The following PUDP variants were observed in gnomAD, a reference collection of about 807,000 sequenced individuals.
PUDP encodes pseudouridine-5'-phosphatase.
A neutral mutation model predicts 9.4 loss-of-function variants in PUDP; 8 were observed. The observed-to-expected ratio is 0.85, with a 90% CI of 0.50 to 1.53. The LOEUF is 1.53. PUDP is among the 40% of genes most tolerant of loss of function. The pLI, the probability that PUDP is intolerant of heterozygous loss-of-function variation, is 0.00. For synonymous variants in PUDP, 99 were observed against 80.7 expected, an observed-to-expected ratio of 1.23 and a Z score of -1.22; for missense variants, 188 against 189.7, an observed-to-expected ratio of 0.99 and a Z score of 0.05.
At chrX:7,099,193 A>T (rs934584616) in intron 2 of PUDP, among the ~76,000 whole-genome samples, 3 of 112,975 alleles carry the variant, frequency 2.7e-5, no homozygotes, top group Non-Finnish European at 5.6e-5. Context: ...GTAGAATTTC[A>T]TCTGTCCCAA....
At chrX:6,758,182 C>T (rs898676841) in intron 3 of PUDP, among the ~76,000 whole-genome samples, 3 of 112,119 alleles carry the variant, frequency 2.7e-5, no homozygotes, top group African/African-American at 9.7e-5. Context: ...TAAAAGTAGG[C>T]TGGGTGCAGT....
chrX:6,952,279 AT>A (rs757011497), intron 3 of PUDP, among the ~76,000 whole-genome samples: 1 of 112,123 alleles, frequency 8.9e-6, no homozygotes, highest in South Asian at 3.7e-4. Context: ...CTATTTTGAA[AT>A]AATTTTAAAT....
At chrX:6,907,019 C>G (rs1025059976) in intron 3 of PUDP, among the ~76,000 whole-genome samples, 1 of 110,940 alleles carries the variant, frequency 9.0e-6, no homozygotes, top group African/African-American at 3.3e-5. Flanking sequence ...GTTTACTGGT[C>G]TCTACTTGAT....
chrX:7,082,571 A>G (rs1392984504), intron 2 of PUDP, among the ~76,000 whole-genome samples: 1 of 112,276 alleles, frequency 8.9e-6, no homozygotes, highest in Non-Finnish European at 1.9e-5. Flanking sequence ...TCAGTCTAGA[A>G]GAGCTCTATG....
At chrX:6,798,947 A>C (rs1925886560) in intron 3 of PUDP, among the ~76,000 whole-genome samples, 1 of 111,410 alleles carries the variant, frequency 9.0e-6, no homozygotes, top group Non-Finnish European at 1.9e-5. Flanking sequence ...CACCATGACC[A>C]GCTAATATTT....
chrX:6,861,921 G>A (rs979121712), intron 3 of PUDP, among the ~76,000 whole-genome samples: 3 of 111,232 alleles, frequency 2.7e-5, no homozygotes, highest in Non-Finnish European at 3.8e-5. Flanking sequence ...CCCACGTGCC[G>A]CTGAGTAAGT....
intron 3 of PUDP, among the ~76,000 whole-genome samples, chrX:6,776,508 G>A (rs1164889827): frequency 2.7e-5 from 3 of 111,240 alleles, no homozygotes; most frequent in Non-Finnish European, 5.6e-5. Context: ...TCCGGCCTGG[G>A]TGACAGAGCA....
chrX:7,141,272 G>A (rs1200412841), intron 1 of PUDP, among the ~76,000 whole-genome samples: 2 of 112,736 alleles, frequency 1.8e-5, no homozygotes, highest in Non-Finnish European at 3.7e-5. Context: ...TGAATGCAAA[G>A]GAAAAGTTCT....
chrX:7,076,135 C>CA (rs1465850631), intron 3 of PUDP, among the ~76,000 whole-genome samples: 2 of 111,468 alleles, frequency 1.8e-5, no homozygotes, highest in African/African-American at 6.5e-5. Context: ...GGGCAAAAAA[C>CA]AAAACAAAAC....
chrX:6,818,811 A>C (rs774034186), intron 3 of PUDP, among the ~76,000 whole-genome samples: 10 of 112,397 alleles, frequency 8.9e-5, no homozygotes, highest in Non-Finnish European at 7.5e-5. Flanking sequence ...GGATTTATAC[A>C]GATTTGAGTA....
At chrX:6,788,028 G>T (rs1925675569) in intron 3 of PUDP, among the ~76,000 whole-genome samples, 2 of 111,546 alleles carry the variant, frequency 1.8e-5, no homozygotes, top group Admixed American at 1.9e-4. Context: ...AAAGTGTCGG[G>T]GGGAGAAGAC....
intron 3 of PUDP, among the ~76,000 whole-genome samples, chrX:6,748,240 T>A (rs958146729): frequency 3.6e-5 from 4 of 112,058 alleles, no homozygotes; most frequent in African/African-American, 1.3e-4. Context: ...TTTTTAGTTG[T>A]CTCTGAAATA....
Position 7,061,564 on chromosome X carries a change from C to T in PUDP, c.511-11092G>A, listed in dbSNP as rs141545202. ...AAGATTTCAGAGAAAAACACTTTCA[C>T]TACAGAGAAGAATCCCCCCACCCCC... On this transcript the variant is annotated intron_variant, in intron 3 of 3. Coordinates refer to ENST00000381077, the MANE Select transcript of PUDP (RefSeq NM_012080.5). Among the ~76,000 whole-genome samples, 33 of 110,941 alleles carry T rather than the reference C, an allele frequency of 3.0e-4. No individual in the cohort carries two copies. The East Asian group carries it at 4.6e-3, about 15-fold the overall frequency.
chrX:6,714,469 G>C (rs1262833686), intron 1 of PUDP, among the ~76,000 whole-genome samples: 2 of 111,755 alleles, frequency 1.8e-5, no homozygotes, highest in Non-Finnish European at 3.8e-5. Context: ...TGCATAGATA[G>C]ATCAGTCTAT....
chrX:7,015,190 A>G (rs112229555), intron 1 of PUDP, among the ~76,000 whole-genome samples: 10 of 112,222 alleles, frequency 8.9e-5, no homozygotes, highest in African/African-American at 3.2e-4. Context: ...TTAAATATTT[A>G]TTTGATCACA....
chrX:6,853,269 C>T (rs1457523928), intron 3 of PUDP, among the ~76,000 whole-genome samples: 1 of 111,052 alleles, frequency 9.0e-6, no homozygotes, highest in African/African-American at 3.3e-5. Context: ...TAACTGCCTG[C>T]CTGCCTGATG....
At chrX:7,145,557 A>T (rs1408612271) in intron 1 of PUDP, among the ~76,000 whole-genome samples, 2 of 109,268 alleles carry the variant, frequency 1.8e-5, no homozygotes, top group Non-Finnish European at 3.8e-5. Context: ...CTAAATCATA[A>T]CTGACTCTTA....
intron 3 of PUDP, among the ~76,000 whole-genome samples, chrX:6,968,451 G>C (rs1928819942): frequency 1.8e-5 from 2 of 111,053 alleles, no homozygotes; most frequent in Admixed American, 9.6e-5. Flanking sequence ...TCTGGGGCAG[G>C]GGGGTGTGAG....
At chrX:6,793,142 G>A (rs960483242) in intron 3 of PUDP, among the ~76,000 whole-genome samples, 7 of 112,720 alleles carry the variant, frequency 6.2e-5, no homozygotes, top group African/African-American at 2.3e-4. Flanking sequence ...CCTAAATGGT[G>A]CCCTGTAGCT....
Sources: gnomAD v4.1 joint callset for allele counts (sites outside exome capture counted in the v4.1 genomes callset) on GRCh38, gnomAD v4.1.1 for gene constraint, MANE v1.5 for transcripts, NCBI Gene and HGNC (gene_info 2026-07-23, HGNC 2026-07-21) for gene names.